The following MYLK4 variants were observed in gnomAD, a reference collection of about 807,000 sequenced individuals.
MYLK4 encodes caMLCK like.
Under a neutral mutation model 48.1 loss-of-function variants are expected in MYLK4, and 46 were observed. The ratio of observed to expected loss-of-function variants is 0.96; its 90% CI spans 0.75 to 1.22. The LOEUF (loss-of-function observed/expected upper bound fraction) is 1.22, where lower values mean the gene tolerates loss of function less well. MYLK4 is among the 50% of genes most tolerant of loss of function. MYLK4 has a pLI of 0.00. For missense variants in MYLK4, 451 were observed against 486.1 expected (o/e 0.93, Z 0.68); for synonymous variants, 170 against 180.8 (o/e 0.94, Z 0.48).
At chr6:2,725,188 T>C (rs1337482894) in intron 2 of MYLK4, among the ~76,000 whole-genome samples, 1 of 151,932 alleles carries the variant, frequency 6.6e-6, no homozygotes, top group East Asian at 1.9e-4. Context: ...CTAAGCATGG[T>C]GGCTCATGCC....
chr6:2,677,135 A>G (rs527917772), intron 10 of MYLK4, among the ~76,000 whole-genome samples: 1 of 152,168 alleles, frequency 6.6e-6, no homozygotes, highest in East Asian at 1.9e-4. Context: ...GGATGGCCTT[A>G]TCTTTGTGTT....
chr6:2,755,660 C>T (rs542360288), upstream of MYLK4, among the ~76,000 whole-genome samples: 3 of 152,254 alleles, frequency 2.0e-5, no homozygotes, highest in Admixed American at 1.3e-4. Flanking sequence ...TGCCTCAGCC[C>T]TCCAAGTAGC....
chr6:2,698,691 G>C (rs1346086224), intron 2 of MYLK4, among the ~76,000 whole-genome samples: 1 of 152,202 alleles, frequency 6.6e-6, no homozygotes, highest in Non-Finnish European at 1.5e-5. Context: ...AGAATACAAA[G>C]AGATGAATTT....
At chr6:2,724,916 C>A (rs917010802) in intron 2 of MYLK4, among the ~76,000 whole-genome samples, 1 of 152,034 alleles carries the variant, frequency 6.6e-6, no homozygotes, top group Non-Finnish European at 1.5e-5. Flanking sequence ...TTTGGGAGGC[C>A]GAGGTGGACG....
the MYLK4 span, among the ~76,000 whole-genome samples, chr6:2,758,913 C>T: frequency 6.6e-6 from 1 of 152,122 alleles, no homozygotes; most frequent in East Asian, 1.9e-4. Context: ...CCATTTAGGG[C>T]TGCTATGAAC....
At chr6:2,766,914 AGTT>A in the MYLK4 span, among the ~76,000 whole-genome samples, 1 of 152,190 alleles carries the variant, frequency 6.6e-6, no homozygotes, top group Admixed American at 6.5e-5. Context: ...CTTTTCCACT[AGTT>A]GTTGGTTTAA....
chr6:2,752,163 C>A (rs1008237018), upstream of MYLK4, among the ~76,000 whole-genome samples: 1 of 152,160 alleles, frequency 6.6e-6, no homozygotes, highest in African/African-American at 2.4e-5. Flanking sequence ...CTTGAGTGAG[C>A]CAGAGGCCAG....
chr6:2,744,732 C>T (rs528772853), intron 2 of MYLK4, among the ~76,000 whole-genome samples: 12 of 152,236 alleles, frequency 7.9e-5, no homozygotes, highest in East Asian at 7.7e-4. Flanking sequence ...AGTGGGGTCC[C>T]GAGTCTGCTG....
the MYLK4 span, chr6:2,766,524 T>G: frequency 7.0e-7 from 1 of 1,420,260 alleles, no homozygotes; most frequent in Non-Finnish European, 9.3e-7. Flanking sequence ...CCGGGTGTGC[T>G]GCCCTCGAAA....
intron 2 of MYLK4, among the ~76,000 whole-genome samples, chr6:2,741,871 TTGAG>T (rs756995819): frequency 1.3e-5 from 2 of 152,220 alleles, no homozygotes; most frequent in Non-Finnish European, 2.9e-5. Flanking sequence ...ATCTCATAGC[TTGAG>T]TGAGTAACAC....
intron 2 of MYLK4, 72 bp downstream of exon 2, chr6:2,749,064 G>A: frequency 2.9e-6 from 4 of 1,402,770 alleles, no homozygotes; most frequent in Non-Finnish European, 3.9e-6. Context: ...GTACTCACAA[G>A]CGGCTCCATG....
At chr6:2,737,553 T>C (rs9503290) in intron 2 of MYLK4, among the ~76,000 whole-genome samples, 40,829 of 151,964 alleles carry the variant, frequency 0.27, 5,853 homozygotes, top group African/African-American at 0.38. Context: ...CCAGTAGGAA[T>C]GAAAAGGAGA....
At chr6:2,703,531 A>G (rs1169997298) in intron 2 of MYLK4, among the ~76,000 whole-genome samples, 6 of 152,126 alleles carry the variant, frequency 3.9e-5, no homozygotes, top group African/African-American at 1.4e-4. Flanking sequence ...TCTGGGTTGA[A>G]GCCCAAGGAC....
At chr6:2,762,546 C>T in the MYLK4 span, among the ~76,000 whole-genome samples, 6 of 152,330 alleles carry the variant, frequency 3.9e-5, no homozygotes, top group South Asian at 1.2e-3. Flanking sequence ...TGTATTTCCA[C>T]ATTTAGTAAC....
chr6:2,683,174 A>G lies in MYLK4; in HGVS notation c.546-12T>C, dbSNP rs1212318936. On this transcript the variant is annotated splice_polypyrimidine_tract_variant and intron_variant, in intron 6 of 12. Transcript: ENST00000274643. ...CCCCACCATCCACACTGCAGAGGGA[A>G]GAGGACTGAAACCCTCAGTCCCGAT... 1.2e-6 allele frequency: 2 copies of G among 1,613,998 alleles called. No individual in the cohort carries two copies. The highest frequency in any genetic ancestry group is 1.7e-6 in the Non-Finnish European group (2 of 1,180,008).
Position 2,707,779 on chromosome 6 carries a change from T to C in MYLK4, c.160-14920A>G, listed in dbSNP as rs541587263. On this transcript the variant is annotated intron_variant, in intron 2 of 12. Transcript: ENST00000274643. The stretch of plus-strand genomic sequence containing the variant: ...ATAAGGATTACAACACCTAAGAAAA[T>C]CTGCATTCTATAAAATTGAGACTTC... Among the ~76,000 whole-genome samples, 4 of 152,232 alleles carry C rather than the reference T, an allele frequency of 2.6e-5. No individual in the cohort carries two copies. In the South Asian group the frequency reaches 8.3e-4, roughly 32 times the overall value.
chr6:2,708,207 G>C (rs1762558065), intron 2 of MYLK4, among the ~76,000 whole-genome samples: 1 of 152,180 alleles, frequency 6.6e-6, no homozygotes, highest in African/African-American at 2.4e-5. Context: ...TGGGAAAGTT[G>C]ACACTGAATC....
chr6:2,725,607 C>G (rs58822280), intron 2 of MYLK4, among the ~76,000 whole-genome samples: 15,633 of 100,244 alleles, frequency 0.16, 996 homozygotes, highest in African/African-American at 0.24. Flanking sequence ...AAGAAAGAAA[C>G]AAACAAACAA....
chr6:2,766,561 G>A, the MYLK4 span: 11 of 1,402,150 alleles, frequency 7.8e-6, no homozygotes, highest in African/African-American at 1.3e-4. Context: ...CCTGGATAAG[G>A]GGGTGCAGAC....
Sources: gnomAD v4.1 joint callset for allele counts (sites outside exome capture counted in the v4.1 genomes callset) on GRCh38, gnomAD v4.1.1 for gene constraint, MANE v1.5 for transcripts, NCBI Gene and HGNC (gene_info 2026-07-23, HGNC 2026-07-21) for gene names.